Variants in PUM1 observed in about 807,000 individuals in gnomAD.
The protein encoded by PUM1 is pumilio homolog 1.
In PUM1, 13 loss-of-function variants were observed where a neutral mutation model predicts 131.8. That is an observed-to-expected ratio of 0.10 (90% confidence interval 0.06 to 0.16). The LOEUF (loss-of-function observed/expected upper bound fraction) is 0.16. Ranked by LOEUF, PUM1 falls within the 10% of genes least tolerant of loss-of-function variation. The probability of loss-of-function intolerance (pLI) is 1.00; values close to 1 mark genes in which losing one functional copy is unlikely to be tolerated. For missense variants in PUM1, 961 were observed against 1,512.4 expected (o/e 0.64, Z 6.05); for synonymous variants, 509 against 556.5 (o/e 0.91, Z 1.20).
In PUM1 at chr1:30,933,000, A is replaced by T; in HGVS notation, c.*211T>A. 2.1e-6 allele frequency: 1 copy of T among 480,052 alleles called. No individual in the cohort carries two copies. The highest frequency in any genetic ancestry group is 3.5e-6 in the Non-Finnish European group (1 of 282,522). 29.7% of individuals were successfully genotyped at this position (480,052 alleles called of 1,614,324 possible). ...AAAACAGCAGGGCAATTAGTCAATT[A>T]AAAAAAATAGTACATGTTATGTGTA... On this transcript the variant is annotated 3_prime_UTR_variant, in exon 22 of 22. Coordinates refer to ENST00000426105, the MANE Select transcript of PUM1 (RefSeq NM_001020658.2).
chr1:31,046,143 T>C (rs1643955740), intron 2 of PUM1, among the ~76,000 whole-genome samples: 1 of 151,336 alleles, frequency 6.6e-6, no homozygotes, highest in African/African-American at 2.4e-5. Context: ...TCCCAGCACT[T>C]TGGGAGGCCA....
intron 5 of PUM1, among the ~76,000 whole-genome samples, chr1:30,997,140 C>G (rs1355194942): frequency 5.3e-5 from 8 of 152,186 alleles, no homozygotes; most frequent in Non-Finnish European, 1.5e-5. Flanking sequence ...CTTCCGCAGT[C>G]TACAAATCAA....
intron 14 of PUM1, among the ~76,000 whole-genome samples, chr1:30,955,834 A>G (rs962813190): frequency 6.6e-6 from 1 of 152,268 alleles, no homozygotes; most frequent in East Asian, 1.9e-4. Flanking sequence ...TGATGAAACC[A>G]AAAGAAAATG....
At position 30,945,253 on chromosome 1, in the gene PUM1, A is replaced by G; in HGVS notation, c.2994+93T>C. 3 of 1,398,878 alleles carry G rather than the reference A, an allele frequency of 2.1e-6. No homozygotes were observed. In the Admixed American group the frequency reaches 5.3e-5, roughly 25 times the overall value. 86.7% of individuals were successfully genotyped at this position (1,398,878 alleles called of 1,614,324 possible). On this transcript the variant is annotated intron_variant, in intron 18 of 21. Transcript: ENST00000426105. ...AGTCTCAAAAAAAATAAAGTACATT[A>G]AGCATATTGAGAACATGCCACAAAT...
At chr1:30,974,914 G>A in intron 9 of PUM1, 112 bp from the exon 10 acceptor site, 1 of 763,606 alleles carries the variant, frequency 1.3e-6, no homozygotes, top group Non-Finnish European at 2.0e-6. Flanking sequence ...TAACTTAAAA[G>A]TATATATTAA....
At chr1:31,002,028 A>G (rs181016415) in intron 5 of PUM1, among the ~76,000 whole-genome samples, 2 of 152,318 alleles carry the variant, frequency 1.3e-5, no homozygotes, top group Non-Finnish European at 2.9e-5. Flanking sequence ...CTTTGGTAGT[A>G]AGACTTCTAA....
intron 10 of PUM1, among the ~76,000 whole-genome samples, chr1:30,972,806 G>A (rs563046762): frequency 2.7e-5 from 4 of 148,188 alleles, no homozygotes; most frequent in African/African-American, 7.5e-5. Context: ...TTGGCCAGGC[G>A]TGGTGGCTCA....
chr1:31,036,841 C>G (rs1643628080), intron 2 of PUM1: 1 of 153,516 alleles, frequency 6.5e-6, no homozygotes, highest in South Asian at 2.1e-4. Flanking sequence ...GTGGGTGGTT[C>G]AGCACAAGGG....
intron 3 of PUM1, among the ~76,000 whole-genome samples, chr1:31,013,580 A>C (rs958139126): frequency 6.6e-6 from 1 of 152,230 alleles, no homozygotes. Context: ...CAAATGCTTG[A>C]TATTTAACTA....
intron 2 of PUM1, among the ~76,000 whole-genome samples, chr1:31,047,559 A>T (rs1157502780): frequency 6.6e-6 from 1 of 152,256 alleles, no homozygotes; most frequent in Non-Finnish European, 1.5e-5. Flanking sequence ...AGTATTCAGC[A>T]AATGCTGTTG....
chr1:30,995,459 A>G (rs561268263), intron 5 of PUM1, among the ~76,000 whole-genome samples: 2 of 151,434 alleles, frequency 1.3e-5, no homozygotes, highest in Non-Finnish European at 2.9e-5. Flanking sequence ...ACTATATCCA[A>G]TGTCCCACCA....
chr1:31,024,830 A>G (rs1643165370), intron 3 of PUM1, among the ~76,000 whole-genome samples: 1 of 152,232 alleles, frequency 6.6e-6, no homozygotes, highest in Non-Finnish European at 1.5e-5. Context: ...GGTGGAGCAA[A>G]CAGGTTATGC....
chr1:31,051,534 C>G (rs575543987), intron 2 of PUM1, among the ~76,000 whole-genome samples: 1 of 152,132 alleles, frequency 6.6e-6, no homozygotes, highest in African/African-American at 2.4e-5. Flanking sequence ...AACTCCTGAC[C>G]TCAGGTGATC....
chr1:30,967,288 A>G lies in PUM1; in HGVS notation c.1668T>C (p.Ala556=). 6.2e-7 allele frequency: 1 copy of G among 1,614,012 alleles called. No individual in the cohort carries two copies. Among genetic ancestry groups the G allele is most frequent in the Non-Finnish European group, 8.5e-7 (1 of 1,179,854 alleles). The part of the protein sequence containing the change: ...GMPGYPVLAP[A]AYYDQTGALV... ...GGGCACCAGTTTGGTCATAGTAAGC[A>G]GCAGGAGCCAACACCGGATAACCTA... Residue 556 remains alanine, a synonymous_variant, in exon 12 of 22, where the codon GCT becomes GCC. Transcript: ENST00000426105.
intron 17 of PUM1, chr1:30,948,989 C>T (rs1639808968): frequency 7.2e-6 from 3 of 418,604 alleles, no homozygotes; most frequent in African/African-American, 2.0e-5. Flanking sequence ...TCACCAGCAT[C>T]GTGGCACATA....
chr1:31,040,972 G>C (rs1289061814), intron 2 of PUM1, among the ~76,000 whole-genome samples: 1 of 152,058 alleles, frequency 6.6e-6, no homozygotes, highest in Non-Finnish European at 1.5e-5. Context: ...GAAGAAAACG[G>C]GAGATGCAGG....
At chr1:31,061,558 C>A (rs1423448969) in intron 1 of PUM1, 2 of 151,580 alleles carry the variant, frequency 1.3e-5, no homozygotes, top group East Asian at 3.9e-4. Flanking sequence ...AGAGGTCGCA[C>A]CACTGTGCTC....
chr1:31,065,092 C>T (rs1454836090), intron 1 of PUM1, among the ~76,000 whole-genome samples: 1 of 152,148 alleles, frequency 6.6e-6, no homozygotes, highest in Admixed American at 6.6e-5. Context: ...TTAAGGCTCG[C>T]AAAGTTCCCC....
At chr1:31,030,938 A>G (rs904440646) in intron 2 of PUM1, among the ~76,000 whole-genome samples, 8 of 152,244 alleles carry the variant, frequency 5.3e-5, no homozygotes, top group African/African-American at 1.9e-4. Context: ...TATAAAACTC[A>G]AAGTAAGAGT....
Sources: gnomAD v4.1 joint callset for allele counts (sites outside exome capture counted in the v4.1 genomes callset) on GRCh38, gnomAD v4.1.1 for gene constraint, MANE v1.5 for transcripts, NCBI Gene and HGNC (gene_info 2026-07-23, HGNC 2026-07-21) for gene names.